CSMD3: variants seen among roughly 807,000 people sequenced by gnomAD.
CSMD3 encodes the protein CUB and sushi domain-containing protein 3.
A neutral mutation model predicts 435.2 loss-of-function variants in CSMD3; 177 were observed. The ratio of observed to expected loss-of-function variants is 0.41; its 90% CI spans 0.36 to 0.46. CSMD3 has a LOEUF of 0.46. Ranked by LOEUF, CSMD3 falls within the 20% of genes least tolerant of loss-of-function variation. The pLI is 0.34. For synonymous variants in CSMD3, 1,656 were observed against 1,520.5 expected (o/e 1.09, Z -2.07); for missense variants, 4,265 against 4,504.6 (o/e 0.95, Z 1.52).
intron 13 of CSMD3, among the ~76,000 whole-genome samples, chr8:112,788,664 T>C (rs2078614368): frequency 6.6e-6 from 1 of 152,094 alleles, no homozygotes; most frequent in Admixed American, 6.6e-5. Context: ...CCTATCCCCT[T>C]CACAATGCCT....
At chr8:113,302,243 TA>T (rs2093775557) in intron 2 of CSMD3, among the ~76,000 whole-genome samples, 2 of 140,004 alleles carry the variant, frequency 1.4e-5, no homozygotes, top group Admixed American at 7.8e-5. Flanking sequence ...ATATATAATA[TA>T]ATATATATTA....
chr8:113,296,290 G>A (rs1222708096), intron 2 of CSMD3, among the ~76,000 whole-genome samples: 2 of 50,412 alleles, frequency 4.0e-5, no homozygotes, highest in African/African-American at 9.9e-5. Context: ...AGAACTTAAA[G>A]TATAATAATA....
intron 5 of CSMD3, among the ~76,000 whole-genome samples, chr8:113,071,566 G>T (rs2089122616): frequency 6.6e-6 from 1 of 151,856 alleles, no homozygotes; most frequent in Admixed American, 6.6e-5. Context: ...TTGTTGAAGA[G>T]ATATTTCTTT....
chr8:113,116,629 T>C (rs992913281), intron 4 of CSMD3, among the ~76,000 whole-genome samples: 10 of 152,208 alleles, frequency 6.6e-5, no homozygotes, highest in Non-Finnish European at 1.3e-4. Context: ...CTGGAACCAC[T>C]TGGAGGGCTC....
At chr8:112,536,188 A>C (rs1043675715) in intron 27 of CSMD3, among the ~76,000 whole-genome samples, 63 of 151,484 alleles carry the variant, frequency 4.2e-4, no homozygotes, top group African/African-American at 1.3e-3. Flanking sequence ...TAATTAAACT[A>C]AAGAGCTTCT....
chr8:112,987,908 C>T (rs1021877), intron 6 of CSMD3, among the ~76,000 whole-genome samples: 103,325 of 151,606 alleles, frequency 0.68, 37,026 homozygotes, highest in East Asian at 0.95. Flanking sequence ...GAAAGTACAC[C>T]AAATGAAAAG....
intron 13 of CSMD3, among the ~76,000 whole-genome samples, chr8:112,754,577 C>T (rs113033980): frequency 3.3e-5 from 5 of 152,180 alleles, no homozygotes; most frequent in East Asian, 1.9e-4. Context: ...GGAAATTAGA[C>T]GTTAAAACCA....
At chr8:112,688,040 C>T (rs916952743) in intron 14 of CSMD3, among the ~76,000 whole-genome samples, 41 of 152,240 alleles carry the variant, frequency 2.7e-4, no homozygotes, top group African/African-American at 9.1e-4. Flanking sequence ...GCAAACCATA[C>T]GATCTCCTTT....
chr8:112,979,959 G>A (rs1365594890), intron 6 of CSMD3, among the ~76,000 whole-genome samples: 3 of 150,754 alleles, frequency 2.0e-5, no homozygotes, highest in Non-Finnish European at 4.5e-5. Context: ...GCTTCACTAA[G>A]TCATAACTAT....
At chr8:112,573,133 T>C (rs891661540) in intron 24 of CSMD3, among the ~76,000 whole-genome samples, 3 of 152,126 alleles carry the variant, frequency 2.0e-5, no homozygotes, top group African/African-American at 7.2e-5. Flanking sequence ...ATAATAATCA[T>C]TGCATCTTTG....
rs1586202385 is a variant in CSMD3, at chr8:112,401,840, C to T, written c.5809+4684G>A. On this transcript the variant is annotated intron_variant, in intron 35 of 70. Coordinates refer to ENST00000297405, the MANE Select transcript of CSMD3 (RefSeq NM_198123.2). ...TTGGAAAGAATGACAGTACTCAATG[C>T]TTTCAGCCTTTTCCAAAATGCAAAA... Among the ~76,000 whole-genome samples the T allele has an allele frequency of 5.3e-5, 8 of 152,246 alleles. 2 individuals are homozygous for T. Among genetic ancestry groups the T allele is most frequent in the Admixed American group, 5.2e-4 (8 of 15,284 alleles).
chr8:112,515,700 A>T (rs1369640925), intron 28 of CSMD3, among the ~76,000 whole-genome samples: 2 of 151,868 alleles, frequency 1.3e-5, no homozygotes, highest in Non-Finnish European at 2.9e-5. Flanking sequence ...TCTCTAATAA[A>T]TTTACTTCTT....
At chr8:112,919,107 T>G (rs890083817) in intron 10 of CSMD3, among the ~76,000 whole-genome samples, 2 of 151,952 alleles carry the variant, frequency 1.3e-5, no homozygotes, top group Non-Finnish European at 2.9e-5. Flanking sequence ...AATGAGCAAA[T>G]GCAGCTATGT....
At chr8:112,988,197 G>A (rs2085323985) in intron 6 of CSMD3, among the ~76,000 whole-genome samples, 1 of 151,982 alleles carries the variant, frequency 6.6e-6, no homozygotes, top group Admixed American at 6.6e-5. Flanking sequence ...GGTGCCAAAT[G>A]TTTCTTCTAC....
intron 11 of CSMD3, among the ~76,000 whole-genome samples, chr8:112,841,184 A>G (rs1477408808): frequency 6.6e-6 from 1 of 151,710 alleles, no homozygotes; most frequent in Non-Finnish European, 1.5e-5. Flanking sequence ...TTCTCATTCC[A>G]TATTTGAATA....
At position 113,336,188 on chromosome 8, in the gene CSMD3, T is replaced by G. The variant is rs142071450; in HGVS notation, c.179-21395A>C. On this transcript the variant is annotated intron_variant, in intron 1 of 70. Transcript: ENST00000297405. ...CTTAGATTATTTTCTTTGTTCCCTC[T>G]ATTTGGCTGTTGATCCCAATAATTG... Among the ~76,000 whole-genome samples the G allele has an allele frequency of 3.3e-3, 497 of 152,240 alleles. 1 individual carries two copies. The highest frequency in any genetic ancestry group is 5.0e-3 in the Non-Finnish European group (341 of 68,006).
chr8:112,720,443 G>T (rs1392791110), intron 13 of CSMD3, among the ~76,000 whole-genome samples: 2 of 151,958 alleles, frequency 1.3e-5, no homozygotes, highest in African/African-American at 4.8e-5. Flanking sequence ...TGCCTCAAAA[G>T]ATATTAAAAT....
chr8:112,646,170 C>T (rs1429292803), intron 19 of CSMD3, among the ~76,000 whole-genome samples: 1 of 152,128 alleles, frequency 6.6e-6, no homozygotes, highest in Non-Finnish European at 1.5e-5. Context: ...GAAATGTCTA[C>T]TGAGTTAAAA....
At chr8:113,163,480 A>C (rs1056218122) in intron 4 of CSMD3, among the ~76,000 whole-genome samples, 4 of 151,152 alleles carry the variant, frequency 2.6e-5, no homozygotes, top group Admixed American at 6.7e-5. Context: ...GCTAAGTATA[A>C]ATTTTTTTGT....
Sources: allele counts gnomAD v4.1 joint callset (sites outside exome capture counted in the v4.1 genomes callset), GRCh38; gene constraint gnomAD v4.1.1; transcripts MANE v1.5; gene names NCBI Gene and HGNC (gene_info 2026-07-23, HGNC 2026-07-21).